The following ZNF532 variants were observed in gnomAD, a reference collection of about 807,000 sequenced individuals.
The protein encoded by ZNF532 is zinc finger protein 532.
Under a neutral mutation model 89.3 loss-of-function variants are expected in ZNF532, and 22 were observed. The observed-to-expected ratio is 0.25, with a 90% CI of 0.18 to 0.35. The LOEUF (loss-of-function observed/expected upper bound fraction) is 0.35, where lower values mean the gene tolerates loss of function less well. ZNF532 is among the 10% of genes least tolerant of loss of function. The pLI is 1.00. For missense variants in ZNF532, 1,132 were observed against 1,643.4 expected, an observed-to-expected ratio of 0.69 and a Z score of 5.38; for synonymous variants, 606 against 649.6, an observed-to-expected ratio of 0.93 and a Z score of 1.02.
intron 2 of ZNF532, among the ~76,000 whole-genome samples, chr18:58,880,423 T>G (rs1008639838): frequency 7.9e-5 from 12 of 152,262 alleles, no homozygotes; most frequent in African/African-American, 2.9e-4. Context: ...CAAGGCTAAG[T>G]TGGAGTTGGC....
chr18:58,869,749 T>C (rs572696142), intron 2 of ZNF532, among the ~76,000 whole-genome samples: 2 of 151,706 alleles, frequency 1.3e-5, no homozygotes, highest in South Asian at 4.2e-4. Context: ...GTTTGGAAGA[T>C]TTTGGAAGAT....
chr18:58,906,428 GT>G (rs997280108), intron 2 of ZNF532, among the ~76,000 whole-genome samples: 1 of 151,520 alleles, frequency 6.6e-6, no homozygotes, highest in African/African-American at 2.4e-5. Context: ...TAGTTTTTTT[GT>G]TTTTTTTGGA....
At chr18:58,873,455 T>G (rs951060474) in intron 2 of ZNF532, among the ~76,000 whole-genome samples, 1 of 152,152 alleles carries the variant, frequency 6.6e-6, no homozygotes, top group African/African-American at 2.4e-5. Flanking sequence ...GATTTTTTTT[T>G]TTGTTTTTTC....
rs11370022 is a variant in ZNF532 at position 58,910,073 on chromosome 18, CAAA to C, written c.-17-8192_-17-8190del. Among the ~76,000 whole-genome samples, 801 of 151,364 alleles carry C rather than the reference CAAA, an allele frequency of 5.3e-3. 4 individuals are homozygous for C. Among genetic ancestry groups the C allele is most frequent in the African/African-American group, 0.018 (759 of 41,242 alleles). On this transcript the variant is annotated intron_variant, in intron 2 of 9. Transcript: ENST00000591808. ...ACAACATAGCAAGACCCTGTCTCTA[CAAA>C]AAAAAGAAAAAATAAATGTTGCAAA...
chr18:58,955,118 A>G (rs1323207501), intron 7 of ZNF532, among the ~76,000 whole-genome samples: 1 of 152,188 alleles, frequency 6.6e-6, no homozygotes, highest in Non-Finnish European at 1.5e-5. Context: ...TCAGCTGGGC[A>G]TGGTGGCTCA....
At position 58,939,576 on chromosome 18, in the gene ZNF532, C is replaced by T. The variant is rs1256630223; in HGVS notation, c.2660C>T (p.Ser887Phe). 1 of 1,614,070 alleles carries T rather than the reference C, an allele frequency of 6.2e-7. No individual in the cohort carries two copies. Among genetic ancestry groups the T allele is most frequent in the Non-Finnish European group, 8.5e-7 (1 of 1,180,020 alleles). Residue 887 changes from serine (S) to phenylalanine (F), a missense_variant, in exon 5 of 10, where the codon TCC becomes TTC. By Grantham distance (155) the Ser-to-Phe change is radical. Coordinates refer to ENST00000591808, the MANE Select transcript of ZNF532 (RefSeq NM_001375912.1). ...TTTAAGTCTGCCCCAAGCACACATT[C>T]CCACGCCTACACACAGCATCCTGGC... ...MAFKSAPSTHSHAYTQHPGIK... is the reference protein window; with the variant it reads ...MAFKSAPSTHFHAYTQHPGIK...
chr18:58,923,564 C>T (rs1322733448), intron 3 of ZNF532, among the ~76,000 whole-genome samples: 1 of 152,010 alleles, frequency 6.6e-6, no homozygotes, highest in African/African-American at 2.4e-5. Flanking sequence ...ATTACTGTTG[C>T]CTGGGGTGCT....
Position 58,919,160 on chromosome 18 carries a change from G to A in ZNF532, c.873G>A (p.Val291=). The change falls in exon 3 of 10, where the codon GTG becomes GTA. Residue 291 remains valine (V), a synonymous_variant. Coordinates refer to ENST00000591808, the MANE Select transcript of ZNF532 (RefSeq NM_001375912.1). This position sits in a 1 kb window ranked among gnomAD's most constrained non-coding sequence, Gnocchi z 6.1. ...KAASDSCKEP[V]ANSRESSPLP... ...CTTCAGACTCCTGCAAAGAACCAGT[G>A]GCCAATTCGAGGGAATCCTCCCCGT... 1.2e-6 allele frequency: 2 copies of A among 1,614,164 alleles called. No homozygotes were observed. Among genetic ancestry groups the A allele is most frequent in the Non-Finnish European group, 1.7e-6 (2 of 1,180,038 alleles).
chr18:58,974,859 T>C (rs1233510729), intron 7 of ZNF532, among the ~76,000 whole-genome samples: 1 of 152,154 alleles, frequency 6.6e-6, no homozygotes, highest in Non-Finnish European at 1.5e-5. Context: ...AAGTGCAGTG[T>C]TTTTTGCATT....
chr18:58,888,066 T>C (rs566151559), intron 2 of ZNF532, among the ~76,000 whole-genome samples: 1 of 152,370 alleles, frequency 6.6e-6, no homozygotes, highest in African/African-American at 2.4e-5. Context: ...AAGGATTTTC[T>C]GGGATTATGC....
intron 6 of ZNF532, among the ~76,000 whole-genome samples, chr18:58,951,558 T>C (rs7230478): frequency 0.28 from 42,881 of 151,678 alleles, 7,500 homozygotes; most frequent in East Asian, 0.58. Flanking sequence ...CAAGGCATAG[T>C]TTTTGGCTAT....
chr18:58,888,590 C>T (rs1444257799), intron 2 of ZNF532, among the ~76,000 whole-genome samples: 9 of 145,492 alleles, frequency 6.2e-5, no homozygotes, highest in South Asian at 4.3e-4. Flanking sequence ...GCAGGAGAAT[C>T]GCTTCAACCT....
intron 7 of ZNF532, among the ~76,000 whole-genome samples, chr18:58,959,260 G>GTTTTTTTTTTTTTTTTTT (rs1459830009): frequency 2.3e-5 from 3 of 128,710 alleles, no homozygotes; most frequent in African/African-American, 9.9e-5. Context: ...TTTGTTTTTT[G>GTTTTTTTTTTTTTTTTTT]TTTTTTTTTG....
intron 3 of ZNF532, among the ~76,000 whole-genome samples, chr18:58,922,351 G>A (rs1324714087): frequency 1.3e-5 from 2 of 152,202 alleles, no homozygotes; most frequent in African/African-American, 2.4e-5. Flanking sequence ...TTTCAGTTTG[G>A]GGAACAAAAG....
intron 2 of ZNF532, among the ~76,000 whole-genome samples, chr18:58,907,565 G>A (rs1210472376): frequency 2.0e-5 from 3 of 151,678 alleles, no homozygotes; most frequent in Non-Finnish European, 2.9e-5. Context: ...GTGCGATCCC[G>A]GCGGAGAAGT....
intron 2 of ZNF532, among the ~76,000 whole-genome samples, chr18:58,873,458 G>T (rs28547347): frequency 0.04 from 5,905 of 149,330 alleles, 163 homozygotes; most frequent in Non-Finnish European, 0.062. Context: ...TTTTTTTTTT[G>T]TTTTTTCTGG....
intron 9 of ZNF532, 141 bp from the exon 10 acceptor site, chr18:58,983,831 C>T (rs752643138): frequency 2.0e-6 from 2 of 1,018,328 alleles, no homozygotes; most frequent in Non-Finnish European, 1.4e-6. Context: ...GGTGGGGTGG[C>T]AGACACAGCT....
intron 2 of ZNF532, among the ~76,000 whole-genome samples, chr18:58,872,803 G>A (rs763694016): frequency 4.0e-5 from 6 of 151,128 alleles, no homozygotes; most frequent in South Asian, 4.2e-4. Context: ...GGGTTCAAGC[G>A]ATCCTCCTGC....
chr18:58,974,517 A>G (rs929232317), intron 7 of ZNF532, among the ~76,000 whole-genome samples: 2 of 152,224 alleles, frequency 1.3e-5, no homozygotes, highest in African/African-American at 2.4e-5. Context: ...TATAACACTT[A>G]TGCTGAAACA....
Sources: gnomAD v4.1 joint callset for allele counts (sites outside exome capture counted in the v4.1 genomes callset) on GRCh38, gnomAD v4.1.1 for gene constraint, Gnocchi (gnomAD v3.1) non-coding constraint, MANE v1.5 for transcripts, NCBI Gene and HGNC (gene_info 2026-07-23, HGNC 2026-07-21) for gene names.